Variants in HCN1 observed in about 807,000 individuals in gnomAD.
HCN1 encodes the protein hyperpolarization activated cyclic nucleotide gated potassium channel 1.
A neutral mutation model predicts 78.9 loss-of-function variants in HCN1; 13 were observed. The observed-to-expected ratio is 0.16, with a 90% confidence interval of 0.11 to 0.26. HCN1 has a LOEUF of 0.26. Among genes scored for constraint, HCN1 ranks in the 10% least tolerant of loss-of-function variants. The probability of loss-of-function intolerance (pLI) is 1.00; values close to 1 mark genes in which losing one functional copy is unlikely to be tolerated. For synonymous variants in HCN1, 552 were observed against 455.5 expected (o/e 1.21, Z -2.70); for missense variants, 810 against 1,154.3 (o/e 0.70, Z 4.32).
chr5:45,326,886 C>G (rs1012615080), intron 5 of HCN1, among the ~76,000 whole-genome samples: 1 of 151,586 alleles, frequency 6.6e-6, no homozygotes, highest in Non-Finnish European at 1.5e-5. Context: ...TAGGGACATA[C>G]TGTTCTGTTA....
chr5:45,428,540 G>T (rs1740397231), intron 3 of HCN1, among the ~76,000 whole-genome samples: 1 of 151,876 alleles, frequency 6.6e-6, no homozygotes, highest in Non-Finnish European at 1.5e-5. Context: ...AGCAAATTTT[G>T]TATTTAAGTA....
intron 4 of HCN1, among the ~76,000 whole-genome samples, chr5:45,365,836 T>A (rs1747223785): frequency 6.6e-6 from 1 of 151,944 alleles, no homozygotes; most frequent in East Asian, 1.9e-4. Context: ...GACACCTATT[T>A]GTTGTCATAA....
At chr5:45,526,881 T>C (rs10063439) in intron 2 of HCN1, among the ~76,000 whole-genome samples, 36,993 of 151,504 alleles carry the variant, frequency 0.24, 4,647 homozygotes, top group East Asian at 0.32. Context: ...TCAGCTTAAT[T>C]ACCCCTGCCA....
At chr5:45,660,159 A>G (rs1417944018) in intron 1 of HCN1, among the ~76,000 whole-genome samples, 2 of 123,096 alleles carry the variant, frequency 1.6e-5, no homozygotes, top group African/African-American at 7.3e-5. Flanking sequence ...CAACATTCTT[A>G]AAGAAAAGAA....
intron 6 of HCN1, among the ~76,000 whole-genome samples, chr5:45,299,662 T>C (rs551829824): frequency 5.3e-5 from 8 of 152,144 alleles, no homozygotes; most frequent in Admixed American, 4.6e-4. Context: ...AACCTGAGTA[T>C]TTTAATAACC....
chr5:45,688,730 C>T (rs1258400059), intron 1 of HCN1, among the ~76,000 whole-genome samples: 1 of 151,988 alleles, frequency 6.6e-6, no homozygotes, highest in Non-Finnish European at 1.5e-5. Flanking sequence ...AGAAACAACT[C>T]AGATGTCCAT....
intron 2 of HCN1, among the ~76,000 whole-genome samples, chr5:45,595,870 T>C (rs1744483115): frequency 6.6e-6 from 1 of 151,200 alleles, no homozygotes; most frequent in African/African-American, 2.4e-5. Flanking sequence ...TTTATCAGAG[T>C]GTTAACTGTA....
intron 5 of HCN1, among the ~76,000 whole-genome samples, chr5:45,320,397 AGAAT>A (rs1746100367): frequency 6.6e-6 from 1 of 151,896 alleles, no homozygotes; most frequent in Non-Finnish European, 1.5e-5. Context: ...GATAATTCTA[AGAAT>A]GAATGTAATA....
At chr5:45,549,633 CA>C (rs1350463219) in intron 2 of HCN1, among the ~76,000 whole-genome samples, 1 of 152,044 alleles carries the variant, frequency 6.6e-6, no homozygotes, top group African/African-American at 2.4e-5. Context: ...CAACAAAAGC[CA>C]AAATTGACAA....
intron 5 of HCN1, among the ~76,000 whole-genome samples, chr5:45,337,927 A>C (rs1004213626): frequency 7.2e-5 from 11 of 152,134 alleles, no homozygotes; most frequent in Non-Finnish European, 1.5e-5. Flanking sequence ...TTTTGCCACA[A>C]AAGTGAAAAT....
intron 5 of HCN1, among the ~76,000 whole-genome samples, chr5:45,333,782 C>T (rs961864730): frequency 1.3e-5 from 2 of 151,802 alleles, no homozygotes; most frequent in Admixed American, 1.3e-4. Context: ...CTCTGTCAAA[C>T]ATGAACCTTC....
chr5:45,310,649 G>T (rs1317945399), intron 5 of HCN1, among the ~76,000 whole-genome samples: 1 of 152,016 alleles, frequency 6.6e-6, no homozygotes, highest in Non-Finnish European at 1.5e-5. Context: ...ATTCAACCCA[G>T]CAATCCCATT....
intron 2 of HCN1, among the ~76,000 whole-genome samples, chr5:45,556,728 C>T (rs1743476929): frequency 6.6e-6 from 1 of 151,952 alleles, no homozygotes; most frequent in African/African-American, 2.4e-5. Flanking sequence ...CTCTAATGCA[C>T]TGTTCCCCCA....
intron 2 of HCN1, among the ~76,000 whole-genome samples, chr5:45,494,755 C>G (rs1198285226): frequency 2.0e-5 from 3 of 152,160 alleles, no homozygotes; most frequent in African/African-American, 7.2e-5. Flanking sequence ...AGTCTTTACT[C>G]CATCTTGAAT....
rs184536283 is a variant in HCN1, at chr5:45,319,241, A to G, written c.1378-15402T>C. 6.4e-4 allele frequency among the ~76,000 whole-genome samples: 97 copies of G among 152,070 alleles called. 1 individual carries two copies. In the East Asian group the frequency reaches 0.011, roughly 17 times the overall value. Reference sequence around the variant, plus strand: ...TATTGGAATTTCTGGGTAATAGAATAAGCACATACTTCACTACAGTTGCTG... The same window carrying G: ...TATTGGAATTTCTGGGTAATAGAATGAGCACATACTTCACTACAGTTGCTG... On this transcript the variant is annotated intron_variant, in intron 5 of 7. Transcript: ENST00000303230.
intron 2 of HCN1, chr5:45,574,777 T>A (rs1008340200): frequency 1.3e-5 from 2 of 152,096 alleles, no homozygotes; most frequent in African/African-American, 2.4e-5. Context: ...ACAGGAGTGA[T>A]AAGAAAGAGA....
intron 4 of HCN1, among the ~76,000 whole-genome samples, chr5:45,363,082 T>C (rs1054347822): frequency 4.8e-5 from 7 of 147,326 alleles, no homozygotes; most frequent in African/African-American, 1.7e-4. Context: ...TATATATACA[T>C]ATTTGTGATC....
chr5:45,616,468 C>T (rs1380036973), intron 2 of HCN1, among the ~76,000 whole-genome samples: 1 of 151,892 alleles, frequency 6.6e-6, no homozygotes, highest in Non-Finnish European at 1.5e-5. Context: ...ATGTTAAGAA[C>T]TATAATTAAA....
intron 3 of HCN1, among the ~76,000 whole-genome samples, chr5:45,459,112 A>C (rs1741089900): frequency 6.6e-6 from 1 of 151,976 alleles, no homozygotes; most frequent in Non-Finnish European, 1.5e-5. Flanking sequence ...ATTATCCACA[A>C]TATAAATTAG....
Sources: gnomAD v4.1 joint callset for allele counts (sites outside exome capture counted in the v4.1 genomes callset) on GRCh38, gnomAD v4.1.1 for gene constraint, MANE v1.5 for transcripts, NCBI Gene and HGNC (gene_info 2026-07-23, HGNC 2026-07-21) for gene names.